The following SPMIP7 variants were observed in gnomAD, a reference collection of about 807,000 sequenced individuals.
The protein encoded by SPMIP7 is protein SPMIP7.
the SPMIP7 span, among the ~76,000 whole-genome samples, chr7:50,129,491 A>G: frequency 6.6e-6 from 1 of 152,042 alleles, no homozygotes; most frequent in African/African-American, 2.4e-5. Context: ...CTTTCCATTA[A>G]CTTTAATATA....
chr7:50,137,640 G>A, the SPMIP7 span, among the ~76,000 whole-genome samples: 1 of 151,860 alleles, frequency 6.6e-6, no homozygotes, highest in Non-Finnish European at 1.5e-5. Flanking sequence ...ATAAGTGCTT[G>A]GGCTCCCATT....
the SPMIP7 span, among the ~76,000 whole-genome samples, chr7:50,139,641 C>T: frequency 6.6e-6 from 1 of 152,140 alleles, no homozygotes; most frequent in Admixed American, 6.5e-5. Context: ...GGTTAGTCAG[C>T]ACTGCCACAT....
chr7:50,112,099 G>T, the SPMIP7 span, among the ~76,000 whole-genome samples: 1 of 151,462 alleles, frequency 6.6e-6, no homozygotes, highest in Non-Finnish European at 1.5e-5. Context: ...AAATTATCTT[G>T]GAATAATAAT....
chr7:50,113,983 C>G, the SPMIP7 span, among the ~76,000 whole-genome samples: 118,139 of 152,016 alleles, frequency 0.78, 46,017 homozygotes, highest in East Asian at 0.88. Flanking sequence ...TTGTCAGTTT[C>G]TGCAAGCCAG....
chr7:50,136,495 A>G, the SPMIP7 span, among the ~76,000 whole-genome samples: 6 of 152,154 alleles, frequency 3.9e-5, no homozygotes. Flanking sequence ...ACGCCACTGC[A>G]CTCCAGCCTG....
chr7:50,125,327 CACATATATAT>C, the SPMIP7 span, among the ~76,000 whole-genome samples: 1 of 145,136 alleles, frequency 6.9e-6, no homozygotes, highest in Admixed American at 7.0e-5. Flanking sequence ...TACATATATA[CACATATATAT>C]ACATATATAT....
chr7:50,100,858 A>G, the SPMIP7 span, among the ~76,000 whole-genome samples: 171 of 146,980 alleles, frequency 1.2e-3, no homozygotes, highest in Middle Eastern at 3.6e-3. Flanking sequence ...AAAATAAAAT[A>G]AAATCGTTTT....
chr7:50,146,686 C>A, the SPMIP7 span, among the ~76,000 whole-genome samples: 1 of 152,228 alleles, frequency 6.6e-6, no homozygotes, highest in Non-Finnish European at 1.5e-5. Context: ...CCTCCAGCCA[C>A]ATCTGCCTCA....
chr7:50,132,088 C>G, the SPMIP7 span, among the ~76,000 whole-genome samples: 1 of 152,026 alleles, frequency 6.6e-6, no homozygotes, highest in Non-Finnish European at 1.5e-5. Context: ...TATGAAAACA[C>G]TTAAAAACAT....
chr7:50,117,969 G>C, the SPMIP7 span, among the ~76,000 whole-genome samples: 1 of 152,182 alleles, frequency 6.6e-6, no homozygotes, highest in Non-Finnish European at 1.5e-5. Flanking sequence ...CCATTATTAA[G>C]ATTGAAGATC....
chr7:50,104,440 T>C, the SPMIP7 span: 7 of 1,058,092 alleles, frequency 6.6e-6, no homozygotes, highest in Non-Finnish European at 5.3e-6. Flanking sequence ...TGGTGTTATA[T>C]ATAATTAGTT....
chr7:50,141,785 G>A, the SPMIP7 span: 175 of 144,440 alleles, frequency 1.2e-3, 1 homozygote, highest in African/African-American at 4.6e-3. Context: ...GCTGGAGTGC[G>A]GTGGTGCAAT....
At chr7:50,096,541 A>G in the SPMIP7 span, 1 of 1,551,944 alleles carries the variant, frequency 6.4e-7, no homozygotes, top group Non-Finnish European at 8.7e-7. Context: ...TTCAAACAAC[A>G]ATAAAAAGGC....
the SPMIP7 span, chr7:50,142,143 T>C: frequency 6.6e-6 from 1 of 152,216 alleles, no homozygotes; most frequent in South Asian, 2.1e-4. Context: ...TCATTGCTAC[T>C]ACACATAATA....
chr7:50,138,786 G>C, the SPMIP7 span, among the ~76,000 whole-genome samples: 1 of 149,742 alleles, frequency 6.7e-6, no homozygotes, highest in Non-Finnish European at 1.5e-5. Context: ...TTGGTAATTG[G>C]TAGAAAAAGG....
the SPMIP7 span, among the ~76,000 whole-genome samples, chr7:50,100,949 CT>C: frequency 6.6e-6 from 1 of 151,976 alleles, no homozygotes; most frequent in South Asian, 2.1e-4. Flanking sequence ...TTCTATATAT[CT>C]GTTTATTTTC....
At chr7:50,140,733 C>T in the SPMIP7 span, among the ~76,000 whole-genome samples, 2 of 152,196 alleles carry the variant, frequency 1.3e-5, no homozygotes, top group African/African-American at 4.8e-5. Context: ...AGTCCTGGCC[C>T]ACCCCTCTCA....
chr7:50,140,174 C>T, the SPMIP7 span: 1 of 1,499,776 alleles, frequency 6.7e-7, no homozygotes, highest in South Asian at 1.3e-5. Flanking sequence ...ATATATTCCT[C>T]TCTATACGTA....
At chr7:50,101,148 ATG>A in the SPMIP7 span, among the ~76,000 whole-genome samples, 3 of 152,206 alleles carry the variant, frequency 2.0e-5, no homozygotes, top group Non-Finnish European at 4.4e-5. Context: ...TTTACTTCCC[ATG>A]TTGACATTGG....
Sources: allele counts gnomAD v4.1 joint callset (sites outside exome capture counted in the v4.1 genomes callset), GRCh38; gene constraint gnomAD v4.1.1; transcripts MANE v1.5; gene names NCBI Gene and HGNC (gene_info 2026-07-23, HGNC 2026-07-21).